Variants in DHX8 observed in about 807,000 individuals in gnomAD.
The protein encoded by DHX8 is DEAH-box helicase 8.
DHX8 carries 67 observed loss-of-function variants against 140.7 expected under a neutral mutation model. That is an observed-to-expected ratio of 0.48 (90% CI 0.39 to 0.58). The LOEUF (loss-of-function observed/expected upper bound fraction) is 0.58, where lower values mean the gene tolerates loss of function less well. Among genes scored for constraint, DHX8 ranks in the 20% least tolerant of loss-of-function variants. The pLI, the probability that DHX8 is intolerant of heterozygous loss-of-function variation, is 0.00. For missense variants in DHX8, 887 were observed against 1,550.7 expected (o/e 0.57, Z 7.19); for synonymous variants, 533 against 553.2 (o/e 0.96, Z 0.51).
intron 3 of DHX8, among the ~76,000 whole-genome samples, chr17:43,536,665 G>A (rs564698928): frequency 7.2e-5 from 11 of 152,356 alleles, no homozygotes; most frequent in South Asian, 2.1e-4. Context: ...TAACACTAAC[G>A]ATAGCTGATG....
exon 3 of DHX8, chr17:43,536,413 GACCTCT>G: frequency 6.2e-7 from 1 of 1,612,946 alleles, no homozygotes; most frequent in Non-Finnish European, 8.5e-7. Context: ...TCTCCCCAGG[GACCTCT>G]ACTCACGGTT....
At chr17:43,509,359 A>C (rs1171146392) in intron 16 of DHX8, among the ~76,000 whole-genome samples, 1 of 152,200 alleles carries the variant, frequency 6.6e-6, no homozygotes, top group Non-Finnish European at 1.5e-5. Flanking sequence ...GGCTGGAACC[A>C]AGTATATGAC....
chr17:43,527,892 G>A (rs926214378), downstream of DHX8: 16 of 232,514 alleles, frequency 6.9e-5, no homozygotes, highest in Middle Eastern at 2.5e-3. Context: ...TGTGGTGGAG[G>A]TGGAAGTACA....
chr17:43,532,995 C>G, intron 2 of DHX8: 3 of 1,524,298 alleles, frequency 2.0e-6, no homozygotes, highest in Non-Finnish European at 1.8e-6. Flanking sequence ...AATCCTTCCT[C>G]GAGCCTGTTA....
downstream of DHX8, chr17:43,529,630 G>C: frequency 1.9e-6 from 3 of 1,613,990 alleles, no homozygotes; most frequent in Non-Finnish European, 2.5e-6. Context: ...GGCGCTGGTA[G>C]GGCGGCCCCT....
chr17:43,507,095 C>T lies in DHX8; in HGVS notation c.1821C>T (p.Tyr607=). Residue 607 remains tyrosine (Y), a synonymous_variant, in exon 13 of 23, where the codon TAC becomes TAT. Transcript: ENST00000262415. ...CCCAGTACCTGGCGGAGGCAGGCTA[C>T]ACTTCCAGGGGCAAGATTGGGTGTA... ...QITQYLAEAG[Y]TSRGKIGCTQ... is the part of the protein sequence containing the mutation. 4 of 1,614,076 alleles carry T rather than the reference C, an allele frequency of 2.5e-6. No individual in the cohort carries two copies. Among genetic ancestry groups the T allele is most frequent in the Non-Finnish European group, 3.4e-6 (4 of 1,180,034 alleles).
chr17:43,502,417 T>G (rs546620729), intron 11 of DHX8, among the ~76,000 whole-genome samples: 2 of 152,194 alleles, frequency 1.3e-5, no homozygotes, highest in East Asian at 1.9e-4. Context: ...TGTTTTGTTA[T>G]TTTAGTTTAG....
chr17:43,530,568 G>A (rs1970863364), downstream of DHX8: 1 of 516,342 alleles, frequency 1.9e-6, no homozygotes, highest in Admixed American at 4.4e-5. Flanking sequence ...GGACAAAAAT[G>A]TCCGGTCAGC....
chr17:43,534,443 G>A (rs577153260), intron 2 of DHX8, among the ~76,000 whole-genome samples: 12 of 152,264 alleles, frequency 7.9e-5, no homozygotes, highest in Non-Finnish European at 1.0e-4. Context: ...GCAGTGAGCC[G>A]AGATCATGCC....
chr17:43,517,044 G>A, intron 17 of DHX8, 123 bp from the exon 18 acceptor site: 1 of 1,046,602 alleles, frequency 9.6e-7, no homozygotes, highest in South Asian at 1.8e-5. Flanking sequence ...CCCAAAGGAA[G>A]TGAAATCAAC....
At chr17:43,495,412 G>A (rs1026492516) in intron 8 of DHX8, among the ~76,000 whole-genome samples, 1 of 152,136 alleles carries the variant, frequency 6.6e-6, no homozygotes, top group Non-Finnish European at 1.5e-5. Context: ...CCAATTAGCT[G>A]TGACCTCAGG....
intron 2 of DHX8, chr17:43,532,526 AC>A: frequency 1.3e-6 from 1 of 761,734 alleles, no homozygotes; most frequent in South Asian, 2.0e-5. Flanking sequence ...AAGAAAAATA[AC>A]ATTCTTTTGA....
chr17:43,516,671 A>T (rs1970128530), intron 17 of DHX8, among the ~76,000 whole-genome samples: 1 of 151,822 alleles, frequency 6.6e-6, no homozygotes, highest in African/African-American at 2.4e-5. Flanking sequence ...CTGATCTCGA[A>T]CTCCTGGGCT....
intron 3 of DHX8, among the ~76,000 whole-genome samples, chr17:43,541,218 C>T (rs1452839684): frequency 1.3e-5 from 2 of 152,234 alleles, no homozygotes; most frequent in African/African-American, 4.8e-5. Flanking sequence ...GGCCAGGGCC[C>T]TCAGTCATCC....
chr17:43,489,629 C>T (rs568136463), intron 2 of DHX8, 95 bp downstream of exon 2: 23 of 929,724 alleles, frequency 2.5e-5, no homozygotes, highest in Admixed American at 7.1e-5. Flanking sequence ...TTTGCTCTGT[C>T]GCCTGGGCTG....
At chr17:43,487,972 T>TA (rs201146760) in intron 1 of DHX8, among the ~76,000 whole-genome samples, 2,592 of 149,168 alleles carry the variant, frequency 0.017, 75 homozygotes, top group African/African-American at 0.059. Flanking sequence ...GTGAGACTGT[T>TA]AAAAAAAAAT....
At chr17:43,516,149 G>A (rs895733068) in intron 17 of DHX8, among the ~76,000 whole-genome samples, 3 of 151,946 alleles carry the variant, frequency 2.0e-5, no homozygotes, top group African/African-American at 7.3e-5. Flanking sequence ...TAGTAGTCAA[G>A]TAAGTATGCA....
chr17:43,498,179 T>C (rs926254833), intron 9 of DHX8, among the ~76,000 whole-genome samples: 1 of 151,844 alleles, frequency 6.6e-6, no homozygotes, highest in African/African-American at 2.4e-5. Context: ...GGTTTCGTTC[T>C]TGTTGCCCAG....
At chr17:43,540,188 C>T (rs1229295932) in intron 3 of DHX8, among the ~76,000 whole-genome samples, 1 of 152,220 alleles carries the variant, frequency 6.6e-6, no homozygotes, top group African/African-American at 2.4e-5. Flanking sequence ...TGTGGTGGCT[C>T]ACGCCTGTAA....
Sources: allele counts gnomAD v4.1 joint callset (sites outside exome capture counted in the v4.1 genomes callset), GRCh38; gene constraint gnomAD v4.1.1; transcripts MANE v1.5; gene names NCBI Gene and HGNC (gene_info 2026-07-23, HGNC 2026-07-21).